Variants in ANKRD11 observed in about 807,000 individuals in gnomAD.
ANKRD11 encodes the protein ankyrin repeat domain 11, also known as ankyrin repeat domain-containing protein 11.
A neutral mutation model predicts 195.7 loss-of-function variants in ANKRD11; 17 were observed. The ratio of observed to expected loss-of-function variants is 0.09; its 90% CI spans 0.06 to 0.13. The LOEUF (loss-of-function observed/expected upper bound fraction) is 0.13, where lower values mean the gene tolerates loss of function less well. Among genes scored for constraint, ANKRD11 ranks in the 10% least tolerant of loss-of-function variants. The pLI, the probability that ANKRD11 is intolerant of heterozygous loss-of-function variation, is 1.00. For synonymous variants in ANKRD11, 1,953 were observed against 1,528.1 expected, an observed-to-expected ratio of 1.28 and a Z score of -6.49; for missense variants, 3,735 against 3,566.1, an observed-to-expected ratio of 1.05 and a Z score of -1.21.
intron 1 of ANKRD11, among the ~76,000 whole-genome samples, chr16:89,445,571 A>G (rs957714948): frequency 5.3e-5 from 8 of 152,332 alleles, no homozygotes; most frequent in African/African-American, 1.9e-4. Flanking sequence ...AAACAAAGAC[A>G]GCAATAACCA....
intron 2 of ANKRD11, among the ~76,000 whole-genome samples, chr16:89,396,215 G>A (rs1051942352): frequency 1.3e-5 from 2 of 152,230 alleles, no homozygotes; most frequent in African/African-American, 2.4e-5. Context: ...GGAAGAGACA[G>A]GTGCTGCTTT....
chr16:89,382,388 C>T (rs980691186), intron 2 of ANKRD11, among the ~76,000 whole-genome samples: 1 of 151,936 alleles, frequency 6.6e-6, no homozygotes, highest in African/African-American at 2.4e-5. Flanking sequence ...GGCAATGGTG[C>T]AATCTCGGCT....
chr16:89,399,295 T>C (rs981008855), intron 2 of ANKRD11, among the ~76,000 whole-genome samples: 9 of 151,992 alleles, frequency 5.9e-5, no homozygotes, highest in Non-Finnish European at 1.0e-4. Context: ...AAGACACTCA[T>C]AGGTGAGTGG....
At chr16:89,275,853 G>A (rs2033610701) in intron 9 of ANKRD11, among the ~76,000 whole-genome samples, 1 of 152,204 alleles carries the variant, frequency 6.6e-6, no homozygotes, top group Admixed American at 6.5e-5. Flanking sequence ...AGACCATCAG[G>A]ATGAGGCCTC....
At chr16:89,334,174 C>CAG (rs1159181558) in intron 2 of ANKRD11, among the ~76,000 whole-genome samples, 7 of 74,774 alleles carry the variant, frequency 9.4e-5, no homozygotes, top group African/African-American at 1.9e-4. Flanking sequence ...AAAAAAAAAA[C>CAG]AGAGAGAGAG....
At chr16:89,350,557 T>G (rs540678337) in intron 2 of ANKRD11, among the ~76,000 whole-genome samples, 1 of 152,124 alleles carries the variant, frequency 6.6e-6, no homozygotes, top group Non-Finnish European at 1.5e-5. Context: ...GAGTCCACAC[T>G]CAATGATTCC....
intron 2 of ANKRD11, among the ~76,000 whole-genome samples, chr16:89,334,144 T>TTAAAAA (rs1488481148): frequency 2.4e-5 from 1 of 41,410 alleles, no homozygotes; most frequent in African/African-American, 9.6e-5. Context: ...CCCTGTGTTT[T>TTAAAAA]AAAAAAAAAA....
At chr16:89,442,912 C>A (rs1235962448) in intron 1 of ANKRD11, among the ~76,000 whole-genome samples, 2 of 152,250 alleles carry the variant, frequency 1.3e-5, no homozygotes, top group Non-Finnish European at 2.9e-5. Flanking sequence ...CCACAGCACC[C>A]AGCCTCTGCC....
chr16:89,282,964 G>A lies in ANKRD11; in HGVS notation c.3578C>T (p.Ala1193Val), dbSNP rs61744864. The A allele has an allele frequency of 2.7e-4, 432 of 1,612,670 alleles. No homozygotes were observed. In the African/African-American group the frequency reaches 4.9e-3, roughly 18 times the overall value. The change falls in exon 9 of 13, where the codon GCG becomes GTG. Residue 1193 changes from alanine (A) to valine (V), a missense_variant. Coordinates refer to ENST00000301030, the MANE Select transcript of ANKRD11 (RefSeq NM_013275.6). ...DRRKDRGAAD[A>V]GRDKKEKVFE... is the part of the protein sequence containing the mutation. Reference sequence around the variant, plus strand: ...GACTTTCTCTTTTTTGTCTCTCCCCGCGTCGGCAGCCCCTCGGTCCTTTCT... The same window carrying A: ...GACTTTCTCTTTTTTGTCTCTCCCCACGTCGGCAGCCCCTCGGTCCTTTCT...
intron 2 of ANKRD11, among the ~76,000 whole-genome samples, chr16:89,326,380 C>A (rs140628773): frequency 6.7e-6 from 1 of 150,328 alleles, no homozygotes; most frequent in Non-Finnish European, 1.5e-5. Context: ...CAGCCACCGC[C>A]CCCCCCACCC....
intron 3 of ANKRD11, among the ~76,000 whole-genome samples, chr16:89,311,680 A>G (rs2036615172): frequency 6.6e-6 from 1 of 152,230 alleles, no homozygotes; most frequent in Non-Finnish European, 1.5e-5. Flanking sequence ...ATAGGATTTT[A>G]AAAGAGAGCA....
chr16:89,270,602 G>T (rs1438693151), intron 12 of ANKRD11: 10 of 607,028 alleles, frequency 1.6e-5, no homozygotes, highest in Non-Finnish European at 2.4e-5. Flanking sequence ...CTGCACACCG[G>T]GACAGAAGGG....
intron 2 of ANKRD11, among the ~76,000 whole-genome samples, chr16:89,390,471 A>G (rs2041141461): frequency 6.6e-6 from 1 of 152,214 alleles, no homozygotes; most frequent in African/African-American, 2.4e-5. Context: ...GGTGGAGGGC[A>G]GAAAAAAATA....
chr16:89,415,823 C>G (rs2042276329), intron 2 of ANKRD11, among the ~76,000 whole-genome samples: 1 of 40,758 alleles, frequency 2.5e-5, no homozygotes, highest in East Asian at 1.0e-3. Flanking sequence ...AAGCTAGACT[C>G]TGTCTCAAAA....
At chr16:89,398,638 G>C (rs1284585216) in intron 2 of ANKRD11, among the ~76,000 whole-genome samples, 1 of 152,074 alleles carries the variant, frequency 6.6e-6, no homozygotes, top group Non-Finnish European at 1.5e-5. Context: ...GATACTCAGG[G>C]GGCTGAGGCA....
chr16:89,313,220 C>T, intron 3 of ANKRD11: 3 of 1,197,600 alleles, frequency 2.5e-6, no homozygotes, highest in Non-Finnish European at 3.2e-6. Context: ...GAGTGGCGTG[C>T]ATGGAGCACA....
chr16:89,411,350 G>C (rs535052025), intron 2 of ANKRD11, among the ~76,000 whole-genome samples: 1 of 152,210 alleles, frequency 6.6e-6, no homozygotes, highest in African/African-American at 2.4e-5. Context: ...TGACTGCACC[G>C]GAAGAGGAGC....
At chr16:89,327,509 A>G (rs540210964) in intron 2 of ANKRD11, among the ~76,000 whole-genome samples, 1 of 152,336 alleles carries the variant, frequency 6.6e-6, no homozygotes, top group Non-Finnish European at 1.5e-5. Flanking sequence ...ACTTTATTTA[A>G]TAGAGTTCAG....
chr16:89,369,020 C>T (rs2040075705), intron 2 of ANKRD11, among the ~76,000 whole-genome samples: 1 of 152,144 alleles, frequency 6.6e-6, no homozygotes, highest in African/African-American at 2.4e-5. Flanking sequence ...AAGATGTAAG[C>T]AGCAGACTGA....
Sources: gnomAD v4.1 joint callset for allele counts (sites outside exome capture counted in the v4.1 genomes callset) on GRCh38, gnomAD v4.1.1 for gene constraint, MANE v1.5 for transcripts, NCBI Gene and HGNC (gene_info 2026-07-23, HGNC 2026-07-21) for gene names.